Variants in ZMYM2 observed in about 807,000 individuals in gnomAD.
ZMYM2 encodes zinc finger MYM-type protein 2.
A neutral mutation model predicts 162.8 loss-of-function variants in ZMYM2; 56 were observed. The observed-to-expected ratio is 0.34, with a 90% CI of 0.28 to 0.43. The LOEUF (loss-of-function observed/expected upper bound fraction) is 0.43. Among genes scored for constraint, ZMYM2 ranks in the 20% least tolerant of loss-of-function variants. The pLI is 1.00. For synonymous variants in ZMYM2, 510 were observed against 541.6 expected, an observed-to-expected ratio of 0.94 and a Z score of 0.81; for missense variants, 1,275 against 1,621.8, an observed-to-expected ratio of 0.79 and a Z score of 3.67.
rs565986642 is a variant in ZMYM2 at position 19,998,433 on chromosome 13, A to C, written c.848-4417A>C. 3.9e-5 allele frequency among the ~76,000 whole-genome samples: 6 copies of C among 152,338 alleles called. No homozygotes were observed. The East Asian group carries it at 1.2e-3, about 29-fold the overall frequency. On this transcript the variant is annotated intron_variant, in intron 3 of 24. Coordinates refer to ENST00000610343, the MANE Select transcript of ZMYM2 (RefSeq NM_197968.4). ...CTATGTATTCAAGTGACAAGCCTACAAAATAGAACACCCCGAGGAGCCACT... is the reference window on the plus strand; with the variant it reads ...CTATGTATTCAAGTGACAAGCCTACCAAATAGAACACCCCGAGGAGCCACT...
At chr13:19,994,857 G>A (rs1393272656) in intron 3 of ZMYM2, among the ~76,000 whole-genome samples, 1 of 151,928 alleles carries the variant, frequency 6.6e-6, no homozygotes, top group East Asian at 1.9e-4. Flanking sequence ...TTTTGGGACA[G>A]GGTCTCTCTC....
intron 12 of ZMYM2, among the ~76,000 whole-genome samples, chr13:20,049,069 C>G (rs1166025260): frequency 1.3e-5 from 2 of 151,874 alleles, no homozygotes; most frequent in African/African-American, 4.8e-5. Context: ...ATTCCAAACA[C>G]TTCACTAGGA....
At chr13:19,955,777 A>G (rs1234875702), upstream of ZMYM2, among the ~76,000 whole-genome samples, 1 of 152,116 alleles carries the variant, frequency 6.6e-6, no homozygotes. Context: ...GGGTGCCACC[A>G]TGCCCAGCCA....
chr13:20,058,852 T>C, intron 15 of ZMYM2, 148 bp downstream of exon 15: 1 of 1,012,664 alleles, frequency 9.9e-7, no homozygotes, highest in Non-Finnish European at 1.5e-6. Context: ...ATTTTAGATA[T>C]TACCTGGAGA....
At chr13:20,082,351 C>T (rs1022318282) in intron 22 of ZMYM2, among the ~76,000 whole-genome samples, 1 of 152,174 alleles carries the variant, frequency 6.6e-6, no homozygotes, top group Non-Finnish European at 1.5e-5. Context: ...TCTACTTTCT[C>T]TGGAGTACGA....
chr13:19,901,726 C>T, the ZMYM2 span, among the ~76,000 whole-genome samples: 11 of 152,134 alleles, frequency 7.2e-5, no homozygotes, highest in Admixed American at 6.6e-5. Context: ...CCACCCACCT[C>T]GGCCTCCCAA....
At chr13:19,973,874 T>C (rs1351832299) in intron 2 of ZMYM2, among the ~76,000 whole-genome samples, 6 of 151,988 alleles carry the variant, frequency 3.9e-5, no homozygotes, top group Admixed American at 3.9e-4. Flanking sequence ...TGTTGTTAGC[T>C]CATCAGTTAT....
the ZMYM2 span, among the ~76,000 whole-genome samples, chr13:19,942,557 A>G: frequency 6.7e-6 from 1 of 150,360 alleles, no homozygotes; most frequent in Non-Finnish European, 1.5e-5. Context: ...AAAAAAAAAG[A>G]AAATTAGCCT....
At chr13:19,979,223 C>T (rs1168864316) in intron 2 of ZMYM2, among the ~76,000 whole-genome samples, 1 of 152,264 alleles carries the variant, frequency 6.6e-6, no homozygotes, top group South Asian at 2.1e-4. Context: ...TGTGTCTTGA[C>T]ATGGATATCT....
chr13:19,981,850 C>T (rs1489507686), intron 2 of ZMYM2, among the ~76,000 whole-genome samples: 14 of 5,658 alleles, frequency 2.5e-3, no homozygotes, highest in Non-Finnish European at 4.2e-3. Context: ...GTTGTCTGTT[C>T]GTGGTGCATG....
intron 14 of ZMYM2, among the ~76,000 whole-genome samples, chr13:20,053,644 C>T (rs1955556031): frequency 6.6e-6 from 1 of 152,114 alleles, no homozygotes; most frequent in Non-Finnish European, 1.5e-5. Context: ...AAGAGTGAAA[C>T]TCCATCTCCA....
chr13:19,897,340 T>G, the ZMYM2 span, among the ~76,000 whole-genome samples: 1 of 152,032 alleles, frequency 6.6e-6, no homozygotes, highest in Non-Finnish European at 1.5e-5. Flanking sequence ...TAAAAAGAGA[T>G]AGATTGGCAG....
At chr13:20,043,789 A>G (rs867578266) in intron 12 of ZMYM2, among the ~76,000 whole-genome samples, 1 of 152,122 alleles carries the variant, frequency 6.6e-6, no homozygotes, top group Middle Eastern at 3.4e-3. Context: ...AGGCAAGCAA[A>G]ACCTGCCTGC....
In ZMYM2 at chr13:19,965,545, AGCAGTTTCTTTG is replaced by A; in HGVS notation, c.-11+5522_-11+5533del. 1.3e-5 allele frequency among the ~76,000 whole-genome samples: 2 copies of A among 152,324 alleles called. 1 individual carries two copies. The highest frequency in any genetic ancestry group is 4.1e-4 in the South Asian group (2 of 4,832). On this transcript the variant is annotated intron_variant, in intron 2 of 24. Transcript: ENST00000610343. ...ATATGTGTTCTGTTAATTATGGGCT[AGCAGTTTCTTTG>A]GCTCTGCTTGGAAGAGCATTTCATC...
chr13:19,932,757 T>C, the ZMYM2 span, among the ~76,000 whole-genome samples: 2 of 152,202 alleles, frequency 1.3e-5, no homozygotes, highest in Non-Finnish European at 2.9e-5. Flanking sequence ...AAAAGAGTTC[T>C]CACCAGAAAC....
the ZMYM2 span, among the ~76,000 whole-genome samples, chr13:19,948,399 A>G: frequency 1.3e-5 from 2 of 152,230 alleles, no homozygotes; most frequent in Non-Finnish European, 2.9e-5. Flanking sequence ...ACATCCAGGC[A>G]ACACAATATT....
At chr13:20,050,271 T>C (rs1237364236) in intron 12 of ZMYM2, among the ~76,000 whole-genome samples, 1 of 151,990 alleles carries the variant, frequency 6.6e-6, no homozygotes, top group Non-Finnish European at 1.5e-5. Flanking sequence ...ATGTTTGTTA[T>C]GTAAGACCTG....
At chr13:19,981,314 C>A (rs201429676) in intron 2 of ZMYM2, among the ~76,000 whole-genome samples, 5 of 151,144 alleles carry the variant, frequency 3.3e-5, no homozygotes, top group Admixed American at 1.3e-4. Context: ...AAAAAAAAAA[C>A]AAAAAACAAA....
At chr13:19,939,112 C>T in the ZMYM2 span, among the ~76,000 whole-genome samples, 4 of 151,066 alleles carry the variant, frequency 2.6e-5, no homozygotes, top group South Asian at 8.3e-4. Context: ...CAACCTCCGC[C>T]TCCTGGGTTC....
Sources: gnomAD v4.1 joint callset for allele counts (sites outside exome capture counted in the v4.1 genomes callset) on GRCh38, gnomAD v4.1.1 for gene constraint, MANE v1.5 for transcripts, NCBI Gene and HGNC (gene_info 2026-07-23, HGNC 2026-07-21) for gene names.